The following JARID2 variants were observed in gnomAD, a reference collection of about 807,000 sequenced individuals.
The protein encoded by JARID2 is jumonji and AT-rich interaction domain containing 2.
Under a neutral mutation model 125.6 loss-of-function variants are expected in JARID2, and 21 were observed. The ratio of observed to expected loss-of-function variants is 0.17; its 90% CI spans 0.12 to 0.24. The LOEUF (loss-of-function observed/expected upper bound fraction) is 0.24. JARID2 is among the 10% of genes least tolerant of loss of function. The pLI is 1.00. For synonymous variants in JARID2, 736 were observed against 661.6 expected, an observed-to-expected ratio of 1.11 and a Z score of -1.73; for missense variants, 1,303 against 1,639.6, an observed-to-expected ratio of 0.79 and a Z score of 3.55.
At chr6:15,283,928 C>G (rs1230061337) in intron 1 of JARID2, among the ~76,000 whole-genome samples, 2 of 151,762 alleles carry the variant, frequency 1.3e-5, no homozygotes, top group African/African-American at 4.8e-5. Flanking sequence ...AGGATGGTCT[C>G]CATCTCCTGA....
chr6:15,291,935 CAA>C (rs1241328230), intron 1 of JARID2, among the ~76,000 whole-genome samples: 1 of 152,062 alleles, frequency 6.6e-6, no homozygotes, highest in African/African-American at 2.4e-5. Context: ...TCCATAATAA[CAA>C]ATTTTTTGAA....
chr6:15,409,039 C>T (rs771455901), intron 2 of JARID2, among the ~76,000 whole-genome samples: 1 of 152,112 alleles, frequency 6.6e-6, no homozygotes, highest in Non-Finnish European at 1.5e-5. Flanking sequence ...AAATAGGTAA[C>T]TGGGGAAATG....
rs1356371529 is a variant in JARID2, at chr6:15,520,160, A to G, written c.3650A>G (p.Lys1217Arg). Residue 1217 changes from lysine to arginine, a missense_variant, in exon 18 of 18, where the codon AAA becomes AGA. Physicochemically the swap from Lys to Arg is conservative, Grantham distance 26. Coordinates refer to ENST00000341776, the MANE Select transcript of JARID2 (RefSeq NM_004973.4). ...AACTGTCTCAGTAAACCCACACCAAAAAGAGGTCCCCGCAAGAGAGCGACA... is the reference window on the plus strand; with the variant it reads ...AACTGTCTCAGTAAACCCACACCAAGAAGAGGTCCCCGCAAGAGAGCGACA... Reference protein sequence around the residue: ...IENCLSKPTPKRGPRKRATVD... With the variant: ...IENCLSKPTPRRGPRKRATVD... 2.5e-6 allele frequency: 4 copies of G among 1,614,076 alleles called. No homozygotes were observed. Among genetic ancestry groups the G allele is most frequent in the Non-Finnish European group, 3.4e-6 (4 of 1,179,982 alleles).
intron 1 of JARID2, chr6:15,248,133 G>A (rs111928694): frequency 1.8e-5 from 17 of 968,592 alleles, no homozygotes; most frequent in Non-Finnish European, 2.1e-5. Context: ...GCAAGCCCGT[G>A]GCTGGCGGCG....
intron 1 of JARID2, among the ~76,000 whole-genome samples, chr6:15,283,267 T>C (rs61301746): frequency 0.1 from 14,531 of 142,476 alleles, 977 homozygotes; most frequent in East Asian, 0.32. Context: ...TGTGAGCCAC[T>C]GCGCCCGGCC....
chr6:15,512,449 T>C, intron 14 of JARID2, 59 bp downstream of exon 14: 1 of 1,509,880 alleles, frequency 6.6e-7, no homozygotes, highest in Non-Finnish European at 9.2e-7. Flanking sequence ...GTGCCGTGCG[T>C]GAGCGCACAC....
intron 1 of JARID2, among the ~76,000 whole-genome samples, chr6:15,277,456 T>C (rs1760569963): frequency 6.6e-6 from 1 of 152,136 alleles, no homozygotes; most frequent in Non-Finnish European, 1.5e-5. Context: ...AATGGCATGA[T>C]ACCCCTGTAC....
chr6:15,513,534 C>T (rs1219306895), intron 16 of JARID2, 112 bp downstream of exon 16: 2 of 1,071,306 alleles, frequency 1.9e-6, no homozygotes, highest in Admixed American at 3.0e-5. Flanking sequence ...CTGCTGTGCT[C>T]CCATCTCTGG....
At chr6:15,470,094 G>A (rs770556565) in intron 5 of JARID2, among the ~76,000 whole-genome samples, 9 of 151,484 alleles carry the variant, frequency 5.9e-5, no homozygotes, top group Non-Finnish European at 1.3e-4. Flanking sequence ...GGAGAATGGC[G>A]TGAACCCGGG....
At chr6:15,246,895 A>G (rs1759200838) in intron 1 of JARID2, among the ~76,000 whole-genome samples, 1 of 152,192 alleles carries the variant, frequency 6.6e-6, no homozygotes, top group Non-Finnish European at 1.5e-5. Flanking sequence ...TAATGTAACT[A>G]AACTGCATTC....
chr6:15,354,651 A>T (rs1035554319), intron 1 of JARID2, among the ~76,000 whole-genome samples: 1 of 152,200 alleles, frequency 6.6e-6, no homozygotes, highest in Non-Finnish European at 1.5e-5. Context: ...TAGAGCCAGT[A>T]AACAGCTGGG....
chr6:15,450,543 A>T (rs868743862), intron 3 of JARID2, among the ~76,000 whole-genome samples: 63 of 152,084 alleles, frequency 4.1e-4, no homozygotes, highest in Admixed American at 3.3e-4. Flanking sequence ...TGGGATTCTG[A>T]TGAGGTCTAT....
intron 1 of JARID2, among the ~76,000 whole-genome samples, chr6:15,265,695 T>C (rs1175779494): frequency 6.6e-6 from 1 of 152,176 alleles, no homozygotes; most frequent in African/African-American, 2.4e-5. Flanking sequence ...CCGTGAATGC[T>C]GTCTTAACAG....
At chr6:15,416,009 G>A (rs1240491230) in intron 3 of JARID2, among the ~76,000 whole-genome samples, 2 of 151,340 alleles carry the variant, frequency 1.3e-5, no homozygotes, top group South Asian at 2.1e-4. Context: ...CCTCCCAGAC[G>A]GGGTCATGGC....
intron 1 of JARID2, among the ~76,000 whole-genome samples, chr6:15,261,180 C>G (rs1759857520): frequency 6.6e-6 from 1 of 152,126 alleles, no homozygotes; most frequent in South Asian, 2.1e-4. Flanking sequence ...ATTACTACTC[C>G]CTTTGTACAT....
At chr6:15,300,720 T>TGAGAGAGAGAGAGAGA (rs1264622122) in intron 1 of JARID2, among the ~76,000 whole-genome samples, 14 of 130,092 alleles carry the variant, frequency 1.1e-4, no homozygotes, top group Non-Finnish European at 1.9e-4. Flanking sequence ...TGTGTGTGTG[T>TGAGAGAGAGAGAGAGA]GTGAGAGAGA....
intron 4 of JARID2, among the ~76,000 whole-genome samples, chr6:15,465,360 A>C (rs1768666995): frequency 6.6e-6 from 1 of 152,182 alleles, no homozygotes; most frequent in African/African-American, 2.4e-5. Flanking sequence ...CTGAGGTGGG[A>C]GGATCACTTG....
chr6:15,338,886 G>C (rs1459997870), intron 1 of JARID2, among the ~76,000 whole-genome samples: 1 of 152,158 alleles, frequency 6.6e-6, no homozygotes, highest in Admixed American at 6.5e-5. Flanking sequence ...ACCCTGATAA[G>C]ATATATAGAG....
At chr6:15,385,246 C>T (rs373551741) in intron 2 of JARID2, among the ~76,000 whole-genome samples, 1 of 152,234 alleles carries the variant, frequency 6.6e-6, no homozygotes, top group East Asian at 1.9e-4. Context: ...ATTGAGAATT[C>T]TCTCCCTTCT....
Sources: allele counts gnomAD v4.1 joint callset (sites outside exome capture counted in the v4.1 genomes callset), GRCh38; gene constraint gnomAD v4.1.1; transcripts MANE v1.5; gene names NCBI Gene and HGNC (gene_info 2026-07-23, HGNC 2026-07-21).